The following NOL4 variants were observed in gnomAD, a reference collection of about 807,000 sequenced individuals.
NOL4 encodes nucleolar protein 4, also known as cancer/testis antigen 125.
A neutral mutation model predicts 75.9 loss-of-function variants in NOL4; 17 were observed. The ratio of observed to expected loss-of-function variants is 0.22; its 90% confidence interval spans 0.15 to 0.34. The LOEUF is 0.34. Among genes scored for constraint, NOL4 ranks in the 10% least tolerant of loss-of-function variants. The pLI is 1.00. For synonymous variants in NOL4, 292 were observed against 289.9 expected, an observed-to-expected ratio of 1.01 and a Z score of -0.07; for missense variants, 614 against 793.5, an observed-to-expected ratio of 0.77 and a Z score of 2.72.
intron 5 of NOL4, among the ~76,000 whole-genome samples, chr18:34,064,863 C>T (rs1183269670): frequency 1.3e-5 from 2 of 151,468 alleles, no homozygotes; most frequent in East Asian, 1.9e-4. Context: ...ACTATAATTA[C>T]TGTAATGCAT....
At chr18:33,882,987 A>G (rs568937547) in intron 10 of NOL4, among the ~76,000 whole-genome samples, 1 of 152,064 alleles carries the variant, frequency 6.6e-6, no homozygotes, top group Non-Finnish European at 1.5e-5. Flanking sequence ...ATTCTCATTC[A>G]TAGGTGGGAA....
At chr18:34,042,844 T>C (rs2076198948) in intron 5 of NOL4, among the ~76,000 whole-genome samples, 1 of 152,112 alleles carries the variant, frequency 6.6e-6, no homozygotes. Flanking sequence ...ATCTTCATCA[T>C]GACATTTTTC....
chr18:34,109,898 A>G (rs2079501991), intron 2 of NOL4, among the ~76,000 whole-genome samples: 1 of 151,880 alleles, frequency 6.6e-6, no homozygotes, highest in Admixed American at 6.6e-5. Flanking sequence ...AAATCGGATA[A>G]CACAAAAGAA....
chr18:34,002,170 T>C (rs895129653), intron 6 of NOL4, among the ~76,000 whole-genome samples: 4 of 152,096 alleles, frequency 2.6e-5, no homozygotes, highest in Admixed American at 2.6e-4. Context: ...TCCTCACTAC[T>C]CATAGTAGTG....
intron 1 of NOL4, among the ~76,000 whole-genome samples, chr18:34,195,801 G>A (rs1452298470): frequency 6.6e-6 from 1 of 151,820 alleles, no homozygotes; most frequent in Non-Finnish European, 1.5e-5. Context: ...ATGTCACCTT[G>A]CCTGGGATTC....
At chr18:34,132,126 AT>A (rs1321614501) in intron 1 of NOL4, among the ~76,000 whole-genome samples, 1 of 152,164 alleles carries the variant, frequency 6.6e-6, no homozygotes, top group Non-Finnish European at 1.5e-5. Context: ...TTGAGGCTGC[AT>A]TATATTACCA....
intron 5 of NOL4, among the ~76,000 whole-genome samples, chr18:34,024,194 A>AAAAAAATATATATATATATATAT: frequency 2.3e-4 from 16 of 70,658 alleles, no homozygotes; most frequent in African/African-American, 5.8e-4. Flanking sequence ...AAAAAAAAAA[A>AAAAAAATATATATATATATATAT]ATATATATAT....
chr18:34,101,670 G>A (rs1333671994), intron 4 of NOL4, among the ~76,000 whole-genome samples: 1 of 151,970 alleles, frequency 6.6e-6, no homozygotes, highest in African/African-American at 2.4e-5. Flanking sequence ...TTATTCAAAG[G>A]CCAATTTCTC....
chr18:33,939,843 T>G (rs1240639315), intron 9 of NOL4, among the ~76,000 whole-genome samples: 1 of 152,072 alleles, frequency 6.6e-6, no homozygotes, highest in African/African-American at 2.4e-5. Flanking sequence ...CATCCTTGTC[T>G]TGTGCTGGTT....
Position 33,852,955 on chromosome 18 carries a change from T to C in NOL4, c.1804A>G (p.Ser602Gly), listed in dbSNP as rs2062684638. Residue 602 changes from serine (S) to glycine (G), a missense_variant, in exon 11 of 11, where the codon AGT becomes GGT. Physicochemically the swap from Ser to Gly is moderately conservative, Grantham distance 56. This residue lies in a region of NOL4 where 128 missense variants were observed against 159.9 expected (regional missense o/e 0.80). Coordinates refer to ENST00000261592, the MANE Select transcript of NOL4 (RefSeq NM_003787.5). ...CTCACGGCATTGATTTCAGTTGGAC[T>C]CAGCTGGGGTCTGGAGTTTGAGCTG... is the stretch of plus-strand genomic sequence containing the variant. ...SSSSNSRPQLSPTEINAVRQL... is the reference protein window; with the variant it reads ...SSSSNSRPQLGPTEINAVRQL... 2 of 1,613,090 alleles carry C rather than the reference T, an allele frequency of 1.2e-6. No individual in the cohort carries two copies. The highest frequency in any genetic ancestry group is 1.7e-6 in the Non-Finnish European group (2 of 1,179,476).
chr18:33,957,176 G>A, intron 8 of NOL4, 150 bp downstream of exon 8: 1 of 566,608 alleles, frequency 1.8e-6, no homozygotes, highest in Admixed American at 3.4e-5. Flanking sequence ...AAAGGAGAAG[G>A]GGAAAAAACA....
intron 6 of NOL4, among the ~76,000 whole-genome samples, chr18:34,012,745 T>A (rs553561070): frequency 5.3e-5 from 8 of 152,086 alleles, no homozygotes; most frequent in African/African-American, 1.9e-4. Context: ...ATAAAGTAAC[T>A]AAAACATCAA....
intron 10 of NOL4, 123 bp from the exon 11 acceptor site, chr18:33,853,158 T>A (rs184893451): frequency 2.7e-4 from 221 of 818,972 alleles, no homozygotes; most frequent in African/African-American, 2.3e-3. Flanking sequence ...GCTAGTGATC[T>A]CTTTAATCAA....
intron 6 of NOL4, among the ~76,000 whole-genome samples, chr18:33,983,887 A>G (rs1312570166): frequency 1.3e-5 from 2 of 152,094 alleles, no homozygotes; most frequent in Non-Finnish European, 2.9e-5. Context: ...TGACAATTTT[A>G]AGTAGTACTA....
chr18:34,129,105 G>A (rs2080514523), intron 2 of NOL4, among the ~76,000 whole-genome samples: 1 of 151,734 alleles, frequency 6.6e-6, no homozygotes, highest in Non-Finnish European at 1.5e-5. Context: ...ATAGTAATAT[G>A]ATTTTATAAA....
chr18:34,202,953 G>C (rs780012212), intron 1 of NOL4, among the ~76,000 whole-genome samples: 10 of 151,998 alleles, frequency 6.6e-5, no homozygotes, highest in Non-Finnish European at 1.3e-4. Flanking sequence ...TGAGAGAAAT[G>C]AAAAGGTGTG....
At chr18:34,075,502 T>G (rs1362145037) in intron 5 of NOL4, among the ~76,000 whole-genome samples, 1 of 152,164 alleles carries the variant, frequency 6.6e-6, no homozygotes, top group Admixed American at 6.5e-5. Context: ...AGGTTTGGAA[T>G]TTTCCACTTG....
intron 10 of NOL4, among the ~76,000 whole-genome samples, chr18:33,864,695 A>G (rs931581975): frequency 6.6e-6 from 1 of 152,050 alleles, no homozygotes; most frequent in Non-Finnish European, 1.5e-5. Flanking sequence ...CCCCCTGTCT[A>G]TGGTACCAAT....
At chr18:33,875,141 A>G (rs2063874362) in intron 10 of NOL4, among the ~76,000 whole-genome samples, 1 of 152,054 alleles carries the variant, frequency 6.6e-6, no homozygotes, top group African/African-American at 2.4e-5. Context: ...CTTATGCATT[A>G]TGCATATAAT....
Sources: allele counts gnomAD v4.1 joint callset (sites outside exome capture counted in the v4.1 genomes callset), GRCh38; gene constraint gnomAD v4.1.1; regional missense constraint gnomAD v4.1.1; transcripts MANE v1.5; gene names NCBI Gene and HGNC (gene_info 2026-07-23, HGNC 2026-07-21).